Variants in NRG3 observed in about 807,000 individuals in gnomAD.
The protein encoded by NRG3 is pro-neuregulin-3, membrane-bound isoform.
A neutral mutation model predicts 66.9 loss-of-function variants in NRG3; 31 were observed. That is an observed-to-expected ratio of 0.46 (90% confidence interval 0.35 to 0.63). The LOEUF is 0.63. Among genes scored for constraint, NRG3 ranks in the 20% least tolerant of loss-of-function variants. The pLI is 0.00. For synonymous variants in NRG3, 393 were observed against 359.4 expected (o/e 1.09, Z -1.06); for missense variants, 910 against 878.9 (o/e 1.04, Z -0.45).
intron 1 of NRG3, among the ~76,000 whole-genome samples, chr10:82,285,670 G>A (rs1397008963): frequency 6.6e-6 from 1 of 152,270 alleles, no homozygotes; most frequent in East Asian, 1.9e-4. Context: ...CCAGAGGGAA[G>A]AAAGAAGGGA....
intron 1 of NRG3, among the ~76,000 whole-genome samples, chr10:82,258,754 A>C (rs957026386): frequency 2.6e-5 from 4 of 152,188 alleles, no homozygotes; most frequent in Non-Finnish European, 5.9e-5. Context: ...CTGTCCTTCA[A>C]AGTTTAGATG....
At chr10:82,734,001 G>A (rs2058042212) in intron 2 of NRG3, among the ~76,000 whole-genome samples, 2 of 152,190 alleles carry the variant, frequency 1.3e-5, no homozygotes, top group Non-Finnish European at 2.9e-5. Flanking sequence ...ATCAGCAAGT[G>A]AGTGACCTGA....
chr10:82,566,356 CGAA>C (rs1479116882), intron 2 of NRG3, among the ~76,000 whole-genome samples: 1 of 151,518 alleles, frequency 6.6e-6, no homozygotes, highest in African/African-American at 2.4e-5. Context: ...TTTTCAGAAT[CGAA>C]GAAAAATGCT....
intron 2 of NRG3, among the ~76,000 whole-genome samples, chr10:82,418,539 T>C (rs977961773): frequency 6.6e-6 from 1 of 151,256 alleles, no homozygotes; most frequent in Non-Finnish European, 1.5e-5. Context: ...TTAATGTCCT[T>C]GGTGGAAGAA....
chr10:82,582,662 T>TGTGTG (rs2046424060), intron 2 of NRG3, among the ~76,000 whole-genome samples: 145 of 146,478 alleles, frequency 9.9e-4, no homozygotes, highest in African/African-American at 3.3e-3. Context: ...TCTATATGTG[T>TGTGTG]TGTGTGTGTG....
At chr10:82,016,342 A>G (rs1369863642) in intron 1 of NRG3, among the ~76,000 whole-genome samples, 1 of 152,046 alleles carries the variant, frequency 6.6e-6, no homozygotes, top group African/African-American at 2.4e-5. Flanking sequence ...GTAAGAGTCT[A>G]CTTGAAAGAT....
intron 1 of NRG3, among the ~76,000 whole-genome samples, chr10:82,335,161 G>A (rs188523317): frequency 4.6e-5 from 7 of 152,272 alleles, no homozygotes; most frequent in African/African-American, 1.7e-4. Flanking sequence ...CTTAAGAGGT[G>A]GGCATGGGAC....
chr10:82,394,108 C>T (rs1419771820), intron 2 of NRG3, among the ~76,000 whole-genome samples: 1 of 152,174 alleles, frequency 6.6e-6, no homozygotes, highest in Non-Finnish European at 1.5e-5. Flanking sequence ...TAACATCACA[C>T]TGTGCTATTT....
chr10:82,505,196 T>C lies in NRG3; in HGVS notation c.953+146328T>C, dbSNP rs140443743. 3.3e-3 allele frequency among the ~76,000 whole-genome samples: 510 copies of C among 152,330 alleles called. 3 individuals are homozygous for C. Among genetic ancestry groups the C allele is most frequent in the Non-Finnish European group, 4.2e-3 (288 of 68,018 alleles). On this transcript the variant is annotated intron_variant, in intron 2 of 8. Coordinates refer to ENST00000372141, the MANE Select transcript of NRG3 (RefSeq NM_001010848.4). ...GGAAATGCAAAGTATTTAACTGGTA[T>C]GAAACTGAGAGCAACTAATCAGAAA... is the stretch of plus-strand genomic sequence containing the variant.
intron 2 of NRG3, among the ~76,000 whole-genome samples, chr10:82,509,149 G>A (rs1317753904): frequency 6.6e-6 from 1 of 151,986 alleles, no homozygotes; most frequent in Non-Finnish European, 1.5e-5. Flanking sequence ...TCTGTCTTCT[G>A]TCTTGGTTTT....
At chr10:82,588,961 G>C (rs891631806) in intron 2 of NRG3, among the ~76,000 whole-genome samples, 1 of 152,102 alleles carries the variant, frequency 6.6e-6, no homozygotes, top group Non-Finnish European at 1.5e-5. Context: ...CTCATATTTG[G>C]TTATATTAGC....
intron 6 of NRG3, among the ~76,000 whole-genome samples, chr10:82,970,184 A>G (rs1851595622): frequency 6.6e-6 from 1 of 152,236 alleles, no homozygotes. Context: ...AATATTTTGG[A>G]TCAAAGAGTA....
intron 4 of NRG3, among the ~76,000 whole-genome samples, chr10:82,896,003 T>G (rs1337841131): frequency 6.6e-6 from 1 of 152,188 alleles, no homozygotes; most frequent in Non-Finnish European, 1.5e-5. Flanking sequence ...TGGAAGTGCC[T>G]CTGTGGTCTA....
intron 1 of NRG3, among the ~76,000 whole-genome samples, chr10:82,281,160 T>G (rs1292894872): frequency 2.0e-5 from 3 of 152,146 alleles, no homozygotes; most frequent in Non-Finnish European, 4.4e-5. Context: ...TTTGAATAGA[T>G]CATATGGCTT....
intron 2 of NRG3, among the ~76,000 whole-genome samples, chr10:82,436,362 CT>C (rs1038776676): frequency 2.6e-5 from 4 of 151,824 alleles, no homozygotes; most frequent in African/African-American, 9.7e-5. Flanking sequence ...GCAACTCCTG[CT>C]TTTTTTTGCT....
At chr10:82,984,983 G>A in intron 8 of NRG3, 115 bp from the exon 9 acceptor site, 1 of 1,338,854 alleles carries the variant, frequency 7.5e-7, no homozygotes, top group Admixed American at 1.8e-5. Flanking sequence ...CGTCTCATGG[G>A]GTTGCTGTGA....
At chr10:82,574,044 A>C (rs1009694907) in intron 2 of NRG3, among the ~76,000 whole-genome samples, 1 of 151,800 alleles carries the variant, frequency 6.6e-6, no homozygotes, top group African/African-American at 2.4e-5. Flanking sequence ...CATATATCCA[A>C]ATGAAATGAA....
At chr10:82,125,983 A>T (rs555130437) in intron 1 of NRG3, among the ~76,000 whole-genome samples, 1 of 152,218 alleles carries the variant, frequency 6.6e-6, no homozygotes, top group South Asian at 2.1e-4. Flanking sequence ...AAGGTGAAAG[A>T]TCTTAATTGT....
At chr10:82,715,859 G>T (rs1176234578) in intron 2 of NRG3, among the ~76,000 whole-genome samples, 1 of 151,960 alleles carries the variant, frequency 6.6e-6, no homozygotes, top group Non-Finnish European at 1.5e-5. Flanking sequence ...CTGTTGAGGG[G>T]CCTCCTCCAG....
Sources: gnomAD v4.1 joint callset for allele counts (sites outside exome capture counted in the v4.1 genomes callset) on GRCh38, gnomAD v4.1.1 for gene constraint, MANE v1.5 for transcripts, NCBI Gene and HGNC (gene_info 2026-07-23, HGNC 2026-07-21) for gene names.